The following NCF2 variants were observed in gnomAD, a reference collection of about 807,000 sequenced individuals.
NCF2 encodes the protein neutrophil cytosol factor 2.
NCF2 carries 45 observed loss-of-function variants against 70.9 expected under a neutral mutation model. That is an observed-to-expected ratio of 0.63 (90% CI 0.50 to 0.81). NCF2 has a LOEUF of 0.81. Among genes scored for constraint, NCF2 ranks in the 40% least tolerant of loss-of-function variants. The pLI is 0.00. For missense variants in NCF2, 522 were observed against 631.6 expected, an observed-to-expected ratio of 0.83 and a Z score of 1.86; for synonymous variants, 203 against 233.6, an observed-to-expected ratio of 0.87 and a Z score of 1.19.
At chr1:183,584,433 T>C (rs34711286) in intron 2 of NCF2, among the ~76,000 whole-genome samples, 1,910 of 152,268 alleles carry the variant, frequency 0.013, 36 homozygotes, top group African/African-American at 0.043. Context: ...CTCGGTAGAT[T>C]TTTCTCTCAG....
At chr1:183,575,628 A>C (rs930689705) in intron 3 of NCF2, among the ~76,000 whole-genome samples, 1 of 152,196 alleles carries the variant, frequency 6.6e-6, no homozygotes, top group Non-Finnish European at 1.5e-5. Context: ...GATATTATGG[A>C]AATTAGGGGG....
intron 14 of NCF2, among the ~76,000 whole-genome samples, chr1:183,556,665 G>C (rs1282151525): frequency 2.6e-5 from 4 of 152,070 alleles, no homozygotes; most frequent in Admixed American, 2.6e-4. Context: ...CCAAGTAACT[G>C]CAACTACAGG....
At chr1:183,599,432 T>C in the NCF2 span, among the ~76,000 whole-genome samples, 2 of 89,592 alleles carry the variant, frequency 2.2e-5, no homozygotes, top group Non-Finnish European at 5.0e-5. Flanking sequence ...CCTTCTTTCT[T>C]TCTTTCTTTC....
At chr1:183,561,010 C>T (rs1672020874) in intron 13 of NCF2, among the ~76,000 whole-genome samples, 1 of 152,198 alleles carries the variant, frequency 6.6e-6, no homozygotes, top group Non-Finnish European at 1.5e-5. Flanking sequence ...AAGGTGAATC[C>T]TGCAATCTGT....
chr1:183,597,460 G>T, the NCF2 span, among the ~76,000 whole-genome samples: 3 of 152,152 alleles, frequency 2.0e-5, no homozygotes, highest in African/African-American at 7.2e-5. Flanking sequence ...TAGCAGAACA[G>T]AATTTTTTAA....
rs566394360 is a variant in NCF2 at position 183,586,841 on chromosome 1, C to A, written c.257+54G>T. ...AAACACCAAGCCCGCAACACTGAGACCCCTTGGGTTTCTCTCTGAAATCCT... is the reference window on the plus strand; with the variant it reads ...AAACACCAAGCCCGCAACACTGAGAACCCTTGGGTTTCTCTCTGAAATCCT... On this transcript the variant is annotated intron_variant, in intron 2 of 14. Transcript: ENST00000367535. 383 of 1,526,120 alleles carry A rather than the reference C, an allele frequency of 2.5e-4. 6 individuals carry two copies. The South Asian group carries it at 4.1e-3, about 16-fold the overall frequency. The allele number at this position is 1,526,120 out of a possible 1,614,324, so 94.5% of individuals were successfully genotyped here. A position where few individuals can be genotyped will look rare whatever the true frequency, so the allele number is the denominator to read the frequency against.
At chr1:183,571,907 A>G (rs935308159) in intron 5 of NCF2, among the ~76,000 whole-genome samples, 2 of 152,174 alleles carry the variant, frequency 1.3e-5, no homozygotes, top group Non-Finnish European at 1.5e-5. Context: ...AGGTCCATCC[A>G]TGTTGTATCA....
chr1:183,574,033 T>C, intron 4 of NCF2, among the ~76,000 whole-genome samples: 1 of 152,214 alleles, frequency 6.6e-6, no homozygotes, highest in Non-Finnish European at 1.5e-5. Flanking sequence ...GAGGCTGCAG[T>C]GAGCTGAGAT....
chr1:183,593,032 C>T (rs1215526901), upstream of NCF2, among the ~76,000 whole-genome samples: 3 of 152,194 alleles, frequency 2.0e-5, no homozygotes, highest in Non-Finnish European at 4.4e-5. Context: ...TGCCTGAAAG[C>T]GCTCAAACCC....
intron 7 of NCF2, among the ~76,000 whole-genome samples, chr1:183,568,347 A>G (rs779084727): frequency 1.5e-4 from 23 of 151,816 alleles, no homozygotes; most frequent in Non-Finnish European, 2.5e-4. Flanking sequence ...TTTCATGTTT[A>G]GTAGACATGG....
At chr1:183,563,913 T>A in intron 11 of NCF2, 92 bp downstream of exon 11, 1 of 1,432,964 alleles carries the variant, frequency 7.0e-7, no homozygotes, top group South Asian at 1.1e-5. Flanking sequence ...CCTTTGGGGC[T>A]CTTCCTATAA....
rs200655126 is a variant in NCF2, at chr1:183,565,759, G to A, written c.945C>T (p.Ser315=). The change falls in exon 10 of 15, where the codon TCC becomes TCT. Residue 315 remains serine (S), a synonymous_variant. Coordinates refer to ENST00000367535, the MANE Select transcript of NCF2 (RefSeq NM_000433.4). The part of the protein sequence containing the change: ...QQPQEESSPQ[S]DIPAPPSSKA... ...TGGAACTAGGAGGAGCTGGGATGTC[G>A]GACTGCGGAGAGCTTTCCTCCTGAA... 111 of 1,613,218 alleles carry A rather than the reference G, an allele frequency of 6.9e-5. No individual in the cohort carries two copies. The highest frequency in any genetic ancestry group is 3.7e-4 in the Middle Eastern group (2 of 5,446).
chr1:183,573,102 C>G (rs948634433), intron 5 of NCF2, 83 bp downstream of exon 5: 3 of 1,251,970 alleles, frequency 2.4e-6, no homozygotes, highest in Middle Eastern at 2.6e-4. Context: ...AGGAGGCTAC[C>G]CTCTTCTCAA....
intron 14 of NCF2, among the ~76,000 whole-genome samples, chr1:183,559,418 T>C (rs916817907): frequency 6.6e-6 from 1 of 152,224 alleles, no homozygotes; most frequent in Non-Finnish European, 1.5e-5. Context: ...CCTACTTTTC[T>C]CTTTGAAAAG....
intron 11 of NCF2, 146 bp from the exon 12 acceptor site, chr1:183,563,731 A>T: frequency 1.9e-6 from 2 of 1,044,518 alleles, no homozygotes; most frequent in Non-Finnish European, 2.9e-6. Context: ...ACAGTAGCCT[A>T]AAAGGCCTTC....
chr1:183,563,485 C>T lies in NCF2; in HGVS notation c.1127G>A (p.Arg376Gln), dbSNP rs369205421. ...CTCCAGTTTCTTAGACACCATGTCC[C>T]GGACCTGGCTGTAGGGGAGCCCGGG... Reference protein sequence around the residue: ...TQPGLPYSQVRDMVSKKLELR... With the variant: ...TQPGLPYSQVQDMVSKKLELR... The change falls in exon 12 of 15, where the codon CGG becomes CAG. Residue 376 changes from arginine (R) to glutamine (Q), a missense_variant. Physicochemically the swap from Arg to Gln is conservative, Grantham distance 43. Transcript: ENST00000367535. The T allele has an allele frequency of 5.0e-6, 8 of 1,614,062 alleles. No individual in the cohort carries two copies. Among genetic ancestry groups the T allele is most frequent in the African/African-American group, 1.3e-5 (1 of 74,936 alleles).
At chr1:183,558,177 A>G (rs1459529864) in intron 14 of NCF2, among the ~76,000 whole-genome samples, 1 of 151,694 alleles carries the variant, frequency 6.6e-6, no homozygotes, top group East Asian at 2.0e-4. Flanking sequence ...CCCAGCCTAT[A>G]CTACTCATAT....
chr1:183,599,856 T>C, the NCF2 span, among the ~76,000 whole-genome samples: 1 of 152,086 alleles, frequency 6.6e-6, no homozygotes, highest in Non-Finnish European at 1.5e-5. Flanking sequence ...CCCTGCCCTC[T>C]TTTTCTTTTT....
the NCF2 span, among the ~76,000 whole-genome samples, chr1:183,600,656 T>A: frequency 4.6e-5 from 7 of 152,094 alleles, no homozygotes; most frequent in East Asian, 1.3e-3. Context: ...AACGCAGACA[T>A]GGCTTGCACA....
Sources: gnomAD v4.1 joint callset for allele counts (sites outside exome capture counted in the v4.1 genomes callset) on GRCh38, gnomAD v4.1.1 for gene constraint, MANE v1.5 for transcripts, NCBI Gene and HGNC (gene_info 2026-07-23, HGNC 2026-07-21) for gene names.